FMNL2: variants seen among roughly 807,000 people sequenced by gnomAD.
The protein encoded by FMNL2 is formin like 2.
In FMNL2, 51 loss-of-function variants were observed where a neutral mutation model predicts 130.2. The observed-to-expected ratio is 0.39, with a 90% CI of 0.31 to 0.49. The LOEUF (loss-of-function observed/expected upper bound fraction) is 0.49. Among genes scored for constraint, FMNL2 ranks in the 20% least tolerant of loss-of-function variants. FMNL2 has a pLI of 0.85. For missense variants in FMNL2, 977 were observed against 1,316.2 expected (o/e 0.74, Z 3.99); for synonymous variants, 465 against 467.1 (o/e 1.00, Z 0.06).
intron 13 of FMNL2, 83 bp downstream of exon 13, chr2:152,617,275 T>G: frequency 4.0e-6 from 5 of 1,248,382 alleles, no homozygotes; most frequent in Non-Finnish European, 5.8e-6. Flanking sequence ...CAGAGTACCT[T>G]CATTTCAGAG....
chr2:152,634,004 A>T (rs1451524677), intron 21 of FMNL2, among the ~76,000 whole-genome samples: 1 of 152,196 alleles, frequency 6.6e-6, no homozygotes, highest in Non-Finnish European at 1.5e-5. Flanking sequence ...TGGCACTATC[A>T]TAAGTATTAG....
intron 1 of FMNL2, among the ~76,000 whole-genome samples, chr2:152,511,965 T>C (rs912268244): frequency 6.6e-6 from 1 of 152,220 alleles, no homozygotes; most frequent in African/African-American, 2.4e-5. Context: ...TCTTATCACA[T>C]AGAAAGTTGA....
At chr2:152,610,439 C>T (rs1462596097) in intron 10 of FMNL2, among the ~76,000 whole-genome samples, 1 of 152,132 alleles carries the variant, frequency 6.6e-6, no homozygotes, top group Non-Finnish European at 1.5e-5. Flanking sequence ...AAGTCCTGTA[C>T]CCATTGGCAG....
chr2:152,615,265 C>T (rs1261352587), intron 12 of FMNL2, among the ~76,000 whole-genome samples: 1 of 152,070 alleles, frequency 6.6e-6, no homozygotes, highest in East Asian at 1.9e-4. Flanking sequence ...GTCTTGCTTA[C>T]AGGCTCAAGC....
chr2:152,492,673 A>G (rs1012641937), intron 1 of FMNL2, among the ~76,000 whole-genome samples: 14 of 152,246 alleles, frequency 9.2e-5, no homozygotes, highest in Non-Finnish European at 1.9e-4. Context: ...CAAAAAAACT[A>G]GCATTTTAAA....
intron 1 of FMNL2, among the ~76,000 whole-genome samples, chr2:152,375,871 C>CTATATATATATATATATA (rs1296121653): frequency 3.5e-5 from 4 of 114,592 alleles, no homozygotes; most frequent in Non-Finnish European, 5.2e-5. Flanking sequence ...CTCTCTCTCT[C>CTATATATATATATATATA]TCTCTCTATA....
chr2:152,642,332 G>C (rs1683165902), intron 25 of FMNL2, among the ~76,000 whole-genome samples: 1 of 152,098 alleles, frequency 6.6e-6, no homozygotes, highest in Non-Finnish European at 1.5e-5. Flanking sequence ...CTCAAACCCA[G>C]GGAAATTAAA....
intron 10 of FMNL2, 73 bp from the exon 11 acceptor site, chr2:152,611,414 ATGAAATTG>A (rs1485041299): frequency 1.2e-5 from 8 of 678,132 alleles, no homozygotes; most frequent in Admixed American, 5.7e-5. Context: ...AGCCTTTTTT[ATGAAATTG>A]AAAGCACATG....
chr2:152,598,716 T>C (rs16831421), intron 9 of FMNL2, among the ~76,000 whole-genome samples: 2,183 of 152,300 alleles, frequency 0.014, 75 homozygotes, highest in East Asian at 0.11. Flanking sequence ...AATATCATTC[T>C]TTATTGAAGA....
At chr2:152,458,208 A>G (rs935999401) in intron 1 of FMNL2, among the ~76,000 whole-genome samples, 4 of 152,132 alleles carry the variant, frequency 2.6e-5, no homozygotes, top group African/African-American at 9.7e-5. Context: ...ATGGGCCTCT[A>G]TATTAGTTTT....
intron 9 of FMNL2, among the ~76,000 whole-genome samples, chr2:152,586,593 T>C (rs1435137700): frequency 6.6e-6 from 1 of 152,160 alleles, no homozygotes; most frequent in African/African-American, 2.4e-5. Context: ...ACTCACATTT[T>C]TCAGTCTCTC....
At chr2:152,584,128 A>AT (rs908490705) in intron 9 of FMNL2, among the ~76,000 whole-genome samples, 137 of 147,216 alleles carry the variant, frequency 9.3e-4, no homozygotes, top group African/African-American at 1.7e-3. Context: ...GCGTGAGTGA[A>AT]TTTTTTTTTT....
At chr2:152,493,804 C>G (rs1367548573) in intron 1 of FMNL2, among the ~76,000 whole-genome samples, 1 of 152,166 alleles carries the variant, frequency 6.6e-6, no homozygotes, top group Non-Finnish European at 1.5e-5. Flanking sequence ...CCAAATAAAC[C>G]TTTTCTTTAG....
chr2:152,445,364 G>T (rs563514359), intron 1 of FMNL2, among the ~76,000 whole-genome samples: 1 of 152,256 alleles, frequency 6.6e-6, no homozygotes, highest in South Asian at 2.1e-4. Context: ...CAGAATAAGA[G>T]AAGCCTTGTA....
intron 16 of FMNL2, 91 bp downstream of exon 16, chr2:152,625,653 A>G: frequency 6.9e-7 from 1 of 1,440,806 alleles, no homozygotes; most frequent in Admixed American, 2.0e-5. Context: ...TCAGAGATAA[A>G]GTACTAGTGT....
chr2:152,629,917 AAAAG>A lies in FMNL2; in HGVS notation c.2550+16_2550+19del. 2 of 1,595,986 alleles carry A rather than the reference AAAAG, an allele frequency of 1.3e-6. No homozygotes were observed. Among genetic ancestry groups the A allele is most frequent in the East Asian group, 4.5e-5 (2 of 44,482 alleles). On this transcript the variant is annotated intron_variant, in intron 20 of 25. Transcript: ENST00000288670. ...AGAGTTTAGATCTGGTGAGTGGACT[AAAAG>A]AAATTTGAGAGCTGTTTGAAGGACA...
At chr2:152,523,289 C>T (rs1693204697) in intron 2 of FMNL2, among the ~76,000 whole-genome samples, 2 of 152,008 alleles carry the variant, frequency 1.3e-5, no homozygotes, top group African/African-American at 4.8e-5. Context: ...CATTGTTTTC[C>T]TTGGCTGCTA....
chr2:152,553,540 AT>A (rs568985282), intron 4 of FMNL2, among the ~76,000 whole-genome samples: 6,757 of 126,232 alleles, frequency 0.054, 404 homozygotes, highest in African/African-American at 0.17. Flanking sequence ...CAATTCTCAC[AT>A]TTTTTTTTTT....
At chr2:152,548,428 C>A (rs1163341657) in intron 3 of FMNL2, among the ~76,000 whole-genome samples, 1 of 152,126 alleles carries the variant, frequency 6.6e-6, no homozygotes, top group East Asian at 1.9e-4. Context: ...GCCTCTTTTC[C>A]CTCTGGGAGT....
Sources: allele counts gnomAD v4.1 joint callset (sites outside exome capture counted in the v4.1 genomes callset), GRCh38; gene constraint gnomAD v4.1.1; transcripts MANE v1.5; gene names NCBI Gene and HGNC (gene_info 2026-07-23, HGNC 2026-07-21).